The following HS6ST3 variants were observed in gnomAD, a reference collection of about 807,000 sequenced individuals.
The protein encoded by HS6ST3 is heparan-sulfate 6-O-sulfotransferase 3.
A neutral mutation model predicts 36.7 loss-of-function variants in HS6ST3; 12 were observed. That is an observed-to-expected ratio of 0.33 (90% CI 0.21 to 0.53). The LOEUF (loss-of-function observed/expected upper bound fraction) is 0.53. Among genes scored for constraint, HS6ST3 ranks in the 20% least tolerant of loss-of-function variants. HS6ST3 has a pLI of 0.95. For synonymous variants in HS6ST3, 240 were observed against 257.5 expected (o/e 0.93, Z 0.65); for missense variants, 584 against 640.9 (o/e 0.91, Z 0.96).
At chr13:96,315,606 G>C (rs1452901323) in intron 1 of HS6ST3, among the ~76,000 whole-genome samples, 1 of 151,736 alleles carries the variant, frequency 6.6e-6, no homozygotes, top group Non-Finnish European at 1.5e-5. Context: ...ACAGAATGCA[G>C]TTTCCTCATT....
intron 1 of HS6ST3, among the ~76,000 whole-genome samples, chr13:96,133,988 T>G (rs149522396): frequency 6.6e-6 from 1 of 152,296 alleles, no homozygotes; most frequent in African/African-American, 2.4e-5. Context: ...CCAATTTCAT[T>G]CTTCTGCATA....
At chr13:96,765,316 C>CA (rs1193689699) in intron 1 of HS6ST3, among the ~76,000 whole-genome samples, 2 of 151,980 alleles carry the variant, frequency 1.3e-5, no homozygotes, top group Non-Finnish European at 2.9e-5. Context: ...TCCTGATCTG[C>CA]CCTCCTTGGC....
At chr13:96,706,032 CT>C (rs1875414405) in intron 1 of HS6ST3, among the ~76,000 whole-genome samples, 1 of 152,114 alleles carries the variant, frequency 6.6e-6, no homozygotes, top group South Asian at 2.1e-4. Context: ...AGAATCCTTC[CT>C]TTTGGAATAA....
At chr13:96,229,373 G>A (rs1255701644) in intron 1 of HS6ST3, among the ~76,000 whole-genome samples, 1 of 152,144 alleles carries the variant, frequency 6.6e-6, no homozygotes, top group East Asian at 1.9e-4. Flanking sequence ...ACTCTGGGTG[G>A]CTTAAAAAAC....
chr13:96,425,289 T>C (rs2055581107), intron 1 of HS6ST3, among the ~76,000 whole-genome samples: 1 of 152,214 alleles, frequency 6.6e-6, no homozygotes, highest in Admixed American at 6.5e-5. Context: ...TTTATTATTA[T>C]ATCCTGCAGT....
At chr13:96,569,777 G>T (rs1426920858) in intron 1 of HS6ST3, among the ~76,000 whole-genome samples, 2 of 152,116 alleles carry the variant, frequency 1.3e-5, no homozygotes, top group Admixed American at 1.3e-4. Context: ...GGGAATGTGG[G>T]GTGCAGAAAA....
At chr13:96,750,209 T>TA (rs902494756) in intron 1 of HS6ST3, among the ~76,000 whole-genome samples, 32 of 152,306 alleles carry the variant, frequency 2.1e-4, no homozygotes, top group African/African-American at 6.5e-4. Flanking sequence ...TGGCATTTGG[T>TA]AAAAAAACTC....
chr13:96,260,613 C>T (rs1002556608), intron 1 of HS6ST3, among the ~76,000 whole-genome samples: 2 of 150,660 alleles, frequency 1.3e-5, no homozygotes, highest in East Asian at 2.0e-4. Flanking sequence ...CCACCGTGCC[C>T]GGCCCTCTTT....
chr13:96,200,691 A>G (rs1226270492), intron 1 of HS6ST3, among the ~76,000 whole-genome samples: 1 of 152,138 alleles, frequency 6.6e-6, no homozygotes, highest in Non-Finnish European at 1.5e-5. Context: ...GAGGGCAAGA[A>G]TTTTTGTTTT....
intron 1 of HS6ST3, among the ~76,000 whole-genome samples, chr13:96,349,367 T>C (rs1021392116): frequency 2.6e-5 from 4 of 152,208 alleles, no homozygotes; most frequent in Non-Finnish European, 5.9e-5. Flanking sequence ...AAAGTGATTG[T>C]GTGGTTCTTT....
At chr13:96,095,168 A>G (rs2053784250) in intron 1 of HS6ST3, among the ~76,000 whole-genome samples, 1 of 152,196 alleles carries the variant, frequency 6.6e-6, no homozygotes, top group Non-Finnish European at 1.5e-5. Flanking sequence ...TGTTTTGCTT[A>G]CTATATATCT....
intron 1 of HS6ST3, among the ~76,000 whole-genome samples, chr13:96,568,668 A>C (rs1423099297): frequency 6.6e-6 from 1 of 152,248 alleles, no homozygotes; most frequent in Non-Finnish European, 1.5e-5. Flanking sequence ...TTTAGTGAAC[A>C]GATCATATCT....
intron 1 of HS6ST3, among the ~76,000 whole-genome samples, chr13:96,279,603 C>A (rs993778255): frequency 5.9e-5 from 9 of 152,164 alleles, no homozygotes; most frequent in Admixed American, 2.0e-4. Context: ...TTTATCTAGA[C>A]CCCAACCATG....
intron 1 of HS6ST3, among the ~76,000 whole-genome samples, chr13:96,618,171 C>G: frequency 6.6e-6 from 1 of 152,164 alleles, no homozygotes; most frequent in African/African-American, 2.4e-5. Flanking sequence ...GCAATCATAG[C>G]TCACTGCAAG....
intron 1 of HS6ST3, among the ~76,000 whole-genome samples, chr13:96,707,209 T>A (rs1183095585): frequency 6.6e-6 from 1 of 152,118 alleles, no homozygotes; most frequent in Non-Finnish European, 1.5e-5. Flanking sequence ...TCTTTATTAG[T>A]GGGATAAATG....
chr13:96,672,685 G>A (rs572093801), intron 1 of HS6ST3, among the ~76,000 whole-genome samples: 2 of 152,120 alleles, frequency 1.3e-5, no homozygotes, highest in African/African-American at 2.4e-5. Context: ...GGGCATGGGG[G>A]ATAACTGTTT....
At chr13:96,315,193 A>T (rs2054962309) in intron 1 of HS6ST3, among the ~76,000 whole-genome samples, 2 of 152,208 alleles carry the variant, frequency 1.3e-5, no homozygotes, top group South Asian at 4.1e-4. Flanking sequence ...TAGATTAATT[A>T]TTCTTGGTTG....
chr13:96,316,780 C>G (rs373657938), intron 1 of HS6ST3, among the ~76,000 whole-genome samples: 2 of 152,158 alleles, frequency 1.3e-5, no homozygotes, highest in African/African-American at 2.4e-5. Context: ...ACGCCTACCC[C>G]CTTTCTCTTT....
At chr13:96,239,525 C>A (rs949579445) in intron 1 of HS6ST3, among the ~76,000 whole-genome samples, 3 of 152,146 alleles carry the variant, frequency 2.0e-5, no homozygotes, top group Non-Finnish European at 2.9e-5. Context: ...GTATTCTAAG[C>A]AAATACAATG....
Sources: allele counts gnomAD v4.1 joint callset (sites outside exome capture counted in the v4.1 genomes callset), GRCh38; gene constraint gnomAD v4.1.1; transcripts MANE v1.5; gene names NCBI Gene and HGNC (gene_info 2026-07-23, HGNC 2026-07-21).